The following MVB12B variants were observed in gnomAD, a reference collection of about 807,000 sequenced individuals.
MVB12B encodes ESCRT-I complex subunit MVB12B.
Under a neutral mutation model 41.6 loss-of-function variants are expected in MVB12B, and 16 were observed. The ratio of observed to expected loss-of-function variants is 0.38; its 90% confidence interval spans 0.26 to 0.58. The LOEUF (loss-of-function observed/expected upper bound fraction) is 0.58, where lower values mean the gene tolerates loss of function less well. MVB12B is among the 20% of genes least tolerant of loss of function. The probability of loss-of-function intolerance (pLI) is 0.62; values close to 1 mark genes in which losing one functional copy is unlikely to be tolerated. For missense variants in MVB12B, 274 were observed against 380.2 expected, an observed-to-expected ratio of 0.72 and a Z score of 2.32; for synonymous variants, 133 against 139.7, an observed-to-expected ratio of 0.95 and a Z score of 0.34.
chr9:126,364,236 C>T (rs1830101599), intron 2 of MVB12B, among the ~76,000 whole-genome samples: 1 of 152,206 alleles, frequency 6.6e-6, no homozygotes, highest in Admixed American at 6.5e-5. Context: ...AGAAGAGTGA[C>T]TTAGGCACGA....
intron 2 of MVB12B, among the ~76,000 whole-genome samples, chr9:126,348,615 T>A (rs1381021197): frequency 6.6e-6 from 1 of 152,232 alleles, no homozygotes; most frequent in Non-Finnish European, 1.5e-5. Flanking sequence ...TTCTGGTACT[T>A]CCTTCTGTTT....
Position 126,480,146 on chromosome 9 carries a change from C to CAGTA in MVB12B, c.758-1223_758-1222insAGTA, listed in dbSNP as rs1833497346. On this transcript the variant is annotated intron_variant, in intron 7 of 9. Transcript: ENST00000361171. The surrounding 1 kb of genome is among the most constrained non-coding windows in gnomAD (Gnocchi z 4.9). ...TCCATTGTGCTCACTCCGTTTCTCC[C>CAGTA]TGAAACCACAATTTACTGCATAGCC... Among the ~76,000 whole-genome samples the CAGTA allele has an allele frequency of 6.6e-6, 1 of 152,196 alleles. No homozygotes were observed. The highest frequency in any genetic ancestry group is 6.5e-5 in the Admixed American group (1 of 15,288).
intron 7 of MVB12B, among the ~76,000 whole-genome samples, chr9:126,435,764 C>T (rs373198317): frequency 2.0e-4 from 31 of 152,118 alleles, no homozygotes; most frequent in East Asian, 1.6e-3. Flanking sequence ...GCCAGGCCGG[C>T]GGCACCCAGA....
intron 9 of MVB12B, among the ~76,000 whole-genome samples, chr9:126,497,197 C>A (rs1451269362): frequency 1.3e-5 from 2 of 152,104 alleles, no homozygotes; most frequent in Admixed American, 1.3e-4. Context: ...AAGTGGGGGG[C>A]CCTAGAACCA....
intron 6 of MVB12B, among the ~76,000 whole-genome samples, chr9:126,402,795 G>GC (rs1831302759): frequency 6.6e-6 from 1 of 152,232 alleles, no homozygotes; most frequent in Non-Finnish European, 1.5e-5. Context: ...TCACACTAAA[G>GC]CCACACATGC....
Position 126,488,363 on chromosome 9 carries a change from AAAT to A in MVB12B, c.873+4333_873+4335del, listed in dbSNP as rs751211892. On this transcript the variant is annotated intron_variant, in intron 9 of 9. Coordinates refer to ENST00000361171, the MANE Select transcript of MVB12B (RefSeq NM_033446.3). ...TTAAACCAAAAAAAAAAAAAAAAAAAAATAGAGTAAATACAAGTGGGAGACTGC... is the reference window on the plus strand; with the variant it reads ...TTAAACCAAAAAAAAAAAAAAAAAAAAGAGTAAATACAAGTGGGAGACTGC... Among the ~76,000 whole-genome samples the A allele has an allele frequency of 2.4e-3, 239 of 101,458 alleles. 1 individual carries two copies. The East Asian group carries it at 0.027, about 12-fold the overall frequency. 66.6% of individuals were successfully genotyped at this position (101,458 alleles called of 152,430 possible).
At chr9:126,338,588 A>AAAC (rs1436835891) in intron 1 of MVB12B, among the ~76,000 whole-genome samples, 2 of 151,810 alleles carry the variant, frequency 1.3e-5, no homozygotes, top group Non-Finnish European at 2.9e-5. Flanking sequence ...AAAAAAAAAA[A>AAAC]AACTTACCTC....
At chr9:126,329,309 A>G (rs973704514) in intron 1 of MVB12B, among the ~76,000 whole-genome samples, 3 of 152,352 alleles carry the variant, frequency 2.0e-5, no homozygotes, top group Non-Finnish European at 1.5e-5. Context: ...TGAAGGAGCT[A>G]ATGTATGTGA....
chr9:126,450,330 T>C (rs1266152803), intron 7 of MVB12B, among the ~76,000 whole-genome samples: 1 of 152,248 alleles, frequency 6.6e-6, no homozygotes, highest in Non-Finnish European at 1.5e-5. Flanking sequence ...ACTAGTGGAC[T>C]CTTACCGCCT....
chr9:126,408,153 C>T (rs1250535385), intron 6 of MVB12B: 1 of 152,148 alleles, frequency 6.6e-6, no homozygotes, highest in African/African-American at 2.4e-5. Flanking sequence ...GAGCTGCCGG[C>T]ATGATAAGAA....
At chr9:126,334,526 TTACTG>T (rs1191450927) in intron 1 of MVB12B, among the ~76,000 whole-genome samples, 1 of 152,228 alleles carries the variant, frequency 6.6e-6, no homozygotes, top group Non-Finnish European at 1.5e-5. Flanking sequence ...ATTAGTATCT[TTACTG>T]TATGAGCACC....
At chr9:126,343,239 G>A (rs1028055686) in intron 2 of MVB12B, among the ~76,000 whole-genome samples, 51 of 152,138 alleles carry the variant, frequency 3.4e-4, no homozygotes, top group Admixed American at 5.9e-4. Flanking sequence ...AAAGAGCCTC[G>A]CTTTTCTGTT....
chr9:126,335,278 G>C, intron 1 of MVB12B: 1 of 1,281,802 alleles, frequency 7.8e-7, no homozygotes, highest in South Asian at 1.3e-5. Flanking sequence ...GTGTCAGGAT[G>C]CTATCCTGAG....
At chr9:126,414,305 G>A (rs1301579661) in intron 6 of MVB12B, among the ~76,000 whole-genome samples, 5 of 152,142 alleles carry the variant, frequency 3.3e-5, no homozygotes, top group African/African-American at 7.2e-5. Flanking sequence ...CTGGCAGTGC[G>A]TGCTTGCTGA....
chr9:126,465,862 G>A (rs531880775), intron 7 of MVB12B, among the ~76,000 whole-genome samples: 23 of 152,330 alleles, frequency 1.5e-4, no homozygotes, highest in African/African-American at 5.3e-4. Flanking sequence ...TCCAGAGGCT[G>A]TATAAGTGTG....
At chr9:126,365,018 C>G (rs1276658701) in intron 2 of MVB12B, among the ~76,000 whole-genome samples, 1 of 143,518 alleles carries the variant, frequency 7.0e-6, no homozygotes, top group Non-Finnish European at 1.5e-5. Flanking sequence ...TCCCAAAGTG[C>G]TGGGATTACA....
intron 7 of MVB12B, among the ~76,000 whole-genome samples, chr9:126,451,048 G>T (rs1832878771): frequency 6.6e-6 from 1 of 152,172 alleles, no homozygotes; most frequent in Non-Finnish European, 1.5e-5. Flanking sequence ...GGCTGTGCTG[G>T]ACAGCAAGGT....
chr9:126,406,143 A>G (rs774834150), intron 6 of MVB12B, among the ~76,000 whole-genome samples: 1 of 151,878 alleles, frequency 6.6e-6, no homozygotes, highest in Non-Finnish European at 1.5e-5. Flanking sequence ...ATCCAAGGGC[A>G]GAGAGTTAGG....
At chr9:126,466,989 G>A (rs1035493100) in intron 7 of MVB12B, among the ~76,000 whole-genome samples, 13 of 151,908 alleles carry the variant, frequency 8.6e-5, no homozygotes, top group African/African-American at 1.5e-4. Flanking sequence ...CACCATGCCC[G>A]GCTAATTTTT....
Sources: gnomAD v4.1 joint callset for allele counts (sites outside exome capture counted in the v4.1 genomes callset) on GRCh38, gnomAD v4.1.1 for gene constraint, Gnocchi (gnomAD v3.1) non-coding constraint, MANE v1.5 for transcripts, NCBI Gene and HGNC (gene_info 2026-07-23, HGNC 2026-07-21) for gene names.